Variants in ISM1 observed in about 807,000 individuals in gnomAD.
ISM1 encodes isthmin 1.
In ISM1, 25 loss-of-function variants were observed where a neutral mutation model predicts 46.3. That is an observed-to-expected ratio of 0.54 (90% CI 0.39 to 0.75). The LOEUF (loss-of-function observed/expected upper bound fraction) is 0.75. Ranked by LOEUF, ISM1 falls within the 30% of genes least tolerant of loss-of-function variation. The pLI is 0.00. For synonymous variants in ISM1, 255 were observed against 256.7 expected (o/e 0.99, Z 0.06); for missense variants, 536 against 625.4 (o/e 0.86, Z 1.52).
intron 1 of ISM1, among the ~76,000 whole-genome samples, chr20:13,229,890 C>T (rs537030537): frequency 1.3e-5 from 2 of 152,248 alleles, no homozygotes; most frequent in East Asian, 3.9e-4. Context: ...TGGATTGACT[C>T]ATATTTCTTC....
At position 13,287,276 on chromosome 20, in the gene ISM1, T is replaced by C. The variant is rs191254690; in HGVS notation, c.644-1264T>C. On this transcript the variant is annotated intron_variant, in intron 3 of 5. Coordinates refer to ENST00000262487, the MANE Select transcript of ISM1 (RefSeq NM_080826.2). ...GAGCAAAGGGACATCTTACATGGTGTCAGGCCAGGGAGAGTTTGTGCAGGG... is the reference window on the plus strand; with the variant it reads ...GAGCAAAGGGACATCTTACATGGTGCCAGGCCAGGGAGAGTTTGTGCAGGG... 7.9e-5 allele frequency among the ~76,000 whole-genome samples: 12 copies of C among 152,282 alleles called. No homozygotes were observed. The East Asian group carries it at 2.3e-3, about 29-fold the overall frequency.
chr20:13,277,238 T>G (rs1189305550), intron 2 of ISM1, among the ~76,000 whole-genome samples: 1 of 152,182 alleles, frequency 6.6e-6, no homozygotes, highest in Non-Finnish European at 1.5e-5. Flanking sequence ...GTTTAAGCAA[T>G]CCCTTTGACT....
chr20:13,300,983 C>G (rs767771453), downstream of ISM1, among the ~76,000 whole-genome samples: 14 of 152,202 alleles, frequency 9.2e-5, no homozygotes, highest in Non-Finnish European at 1.8e-4. Context: ...AACTACTCAT[C>G]ATGAAAAGTA....
At chr20:13,228,123 C>T (rs1190936168) in intron 1 of ISM1, among the ~76,000 whole-genome samples, 2 of 151,960 alleles carry the variant, frequency 1.3e-5, no homozygotes, top group African/African-American at 2.4e-5. Flanking sequence ...CAGGTACCCA[C>T]CACCATGCCC....
the ISM1 span, among the ~76,000 whole-genome samples, chr20:13,318,136 A>AAAATAAATAAATAAAT: frequency 0.2 from 28,841 of 144,904 alleles, 3,169 homozygotes; most frequent in Admixed American, 0.31. Flanking sequence ...GACACTTGAA[A>AAAATAAATAAATAAAT]AAATAAATAA....
chr20:13,292,195 T>C (rs1034378980), intron 4 of ISM1, among the ~76,000 whole-genome samples, 179 bp from the exon 5 acceptor site: 8 of 152,230 alleles, frequency 5.3e-5, no homozygotes, highest in African/African-American at 1.7e-4. Flanking sequence ...GGGGTTTTAA[T>C]ATAGTTTCTG....
the ISM1 span, among the ~76,000 whole-genome samples, chr20:13,308,661 A>G: frequency 1.3e-5 from 2 of 152,194 alleles, no homozygotes; most frequent in Admixed American, 6.5e-5. Context: ...GGCTATTCGT[A>G]TTGTCAAAAA....
At chr20:13,256,988 G>T (rs1432002079) in intron 1 of ISM1, among the ~76,000 whole-genome samples, 1 of 152,146 alleles carries the variant, frequency 6.6e-6, no homozygotes, top group East Asian at 1.9e-4. Flanking sequence ...AAGAGAAAAT[G>T]TAACAATGTG....
At chr20:13,255,066 A>G (rs2039911796) in intron 1 of ISM1, among the ~76,000 whole-genome samples, 1 of 152,228 alleles carries the variant, frequency 6.6e-6, no homozygotes, top group African/African-American at 2.4e-5. Flanking sequence ...AAGCCCATAA[A>G]TAGAATAATT....
chr20:13,283,483 TC>T (rs1331924494), intron 3 of ISM1, among the ~76,000 whole-genome samples: 10 of 152,102 alleles, frequency 6.6e-5, no homozygotes, highest in Non-Finnish European at 1.5e-4. Context: ...TTTCTAAAAA[TC>T]CTAGGTGAAA....
intron 5 of ISM1, among the ~76,000 whole-genome samples, chr20:13,296,313 TCCAGGA>T (rs1210329090): frequency 1.3e-5 from 2 of 152,078 alleles, no homozygotes; most frequent in African/African-American, 2.4e-5. Flanking sequence ...TAGCTGGAAA[TCCAGGA>T]CCAGTCCCCT....
At chr20:13,284,184 C>T (rs2040267321) in intron 3 of ISM1, among the ~76,000 whole-genome samples, 1 of 152,246 alleles carries the variant, frequency 6.6e-6, no homozygotes, top group Non-Finnish European at 1.5e-5. Context: ...AATCGGTAGA[C>T]ACTGTCATCT....
chr20:13,324,428 G>C, the ISM1 span, among the ~76,000 whole-genome samples: 2 of 152,188 alleles, frequency 1.3e-5, no homozygotes, highest in African/African-American at 4.8e-5. Flanking sequence ...AGTACCCAAA[G>C]ATGCAGAAAA....
At chr20:13,279,605 C>G in intron 2 of ISM1, 29 bp from the exon 3 acceptor site, 3 of 1,592,588 alleles carry the variant, frequency 1.9e-6, no homozygotes, top group Non-Finnish European at 2.6e-6. Context: ...TGACTCCACA[C>G]TGACCCCAGC....
At chr20:13,261,502 A>G (rs534992350) in intron 1 of ISM1, among the ~76,000 whole-genome samples, 1 of 152,282 alleles carries the variant, frequency 6.6e-6, no homozygotes, top group East Asian at 1.9e-4. Flanking sequence ...AGAGAAAAGA[A>G]GAATTTGTGG....
chr20:13,243,641 A>G (rs559574221), intron 1 of ISM1, among the ~76,000 whole-genome samples: 1 of 145,218 alleles, frequency 6.9e-6, no homozygotes, highest in East Asian at 2.0e-4. Flanking sequence ...CTTTTCAAAT[A>G]TAAGCTATGA....
the ISM1 span, among the ~76,000 whole-genome samples, chr20:13,308,651 G>A: frequency 6.6e-6 from 1 of 152,094 alleles, no homozygotes; most frequent in African/African-American, 2.4e-5. Context: ...AAATGATCTA[G>A]GCTATTCGTA....
intron 1 of ISM1, among the ~76,000 whole-genome samples, chr20:13,233,825 G>C (rs2039617935): frequency 6.6e-6 from 1 of 152,164 alleles, no homozygotes; most frequent in South Asian, 2.1e-4. Context: ...CCCAGAGATA[G>C]ACAAGAAGCT....
chr20:13,270,439 G>A, intron 1 of ISM1, 65 bp from the exon 2 acceptor site: 2 of 1,534,204 alleles, frequency 1.3e-6, no homozygotes, highest in South Asian at 2.4e-5. Flanking sequence ...ATAATGGACT[G>A]TTAAGGGTGA....
Sources: allele counts gnomAD v4.1 joint callset (sites outside exome capture counted in the v4.1 genomes callset), GRCh38; gene constraint gnomAD v4.1.1; transcripts MANE v1.5; gene names NCBI Gene and HGNC (gene_info 2026-07-23, HGNC 2026-07-21).